PDE7B: variants seen among roughly 807,000 people sequenced by gnomAD.
PDE7B encodes 3',5'-cyclic-AMP phosphodiesterase 7B.
A neutral mutation model predicts 56.2 loss-of-function variants in PDE7B; 29 were observed. The observed-to-expected ratio is 0.52, with a 90% CI of 0.38 to 0.70. The LOEUF (loss-of-function observed/expected upper bound fraction) is 0.70, where lower values mean the gene tolerates loss of function less well. PDE7B is among the 30% of genes least tolerant of loss of function. The pLI is 0.00. For missense variants in PDE7B, 490 were observed against 565.0 expected (o/e 0.87, Z 1.35); for synonymous variants, 197 against 196.9 (o/e 1.00, Z 0.00).
intron 2 of PDE7B, among the ~76,000 whole-genome samples, chr6:135,968,598 C>T (rs768291921): frequency 6.6e-6 from 1 of 152,038 alleles, no homozygotes; most frequent in African/African-American, 2.4e-5. Flanking sequence ...CAATGAGCTA[C>T]CATCTCAGAA....
At chr6:135,935,190 TTATATATA>T (rs60829896) in intron 1 of PDE7B, among the ~76,000 whole-genome samples, 2,771 of 36,194 alleles carry the variant, frequency 0.077, 637 homozygotes, top group African/African-American at 0.31. Context: ...ATATATTTAT[TTATATATA>T]TATATATATA....
At chr6:136,086,898 C>T (rs1562489596) in intron 2 of PDE7B, among the ~76,000 whole-genome samples, 1 of 152,200 alleles carries the variant, frequency 6.6e-6, no homozygotes, top group African/African-American at 2.4e-5. Flanking sequence ...GCTGTTATTC[C>T]CATTGGCACC....
At chr6:135,941,182 C>T (rs1212181408) in intron 1 of PDE7B, among the ~76,000 whole-genome samples, 1 of 152,224 alleles carries the variant, frequency 6.6e-6, no homozygotes. Context: ...TTACTTTCCA[C>T]TAAACTTCAA....
intron 1 of PDE7B, among the ~76,000 whole-genome samples, chr6:135,918,632 A>C (rs1006826107): frequency 4.0e-5 from 6 of 148,896 alleles, no homozygotes; most frequent in African/African-American, 1.2e-4. Context: ...TAAATAAATA[A>C]ATTTTAAATA....
chr6:136,104,139 G>A (rs1777607889), intron 2 of PDE7B, among the ~76,000 whole-genome samples: 1 of 152,110 alleles, frequency 6.6e-6, no homozygotes, highest in Admixed American at 6.5e-5. Context: ...GCAGCCTTCA[G>A]TACAGGGGAT....
intron 2 of PDE7B, among the ~76,000 whole-genome samples, chr6:136,055,075 A>G (rs1202859774): frequency 1.3e-5 from 2 of 152,222 alleles, no homozygotes; most frequent in African/African-American, 4.8e-5. Flanking sequence ...AAAACTGTCC[A>G]GGTGGCTCAT....
intron 1 of PDE7B, among the ~76,000 whole-genome samples, chr6:135,915,074 C>T (rs1048958369): frequency 1.4e-5 from 2 of 147,886 alleles, no homozygotes; most frequent in East Asian, 3.9e-4. Flanking sequence ...GCCTGGGCTA[C>T]AGAGCGAGAC....
intron 2 of PDE7B, among the ~76,000 whole-genome samples, chr6:136,052,233 A>G (rs538803942): frequency 6.6e-6 from 1 of 152,338 alleles, no homozygotes; most frequent in Admixed American, 6.5e-5. Flanking sequence ...TACGCAAAGC[A>G]GTTGAGCAAA....
In PDE7B at chr6:135,893,315, G is replaced by A. The variant is rs192930395; in HGVS notation, c.21+41296G>A. Among the ~76,000 whole-genome samples the A allele has an allele frequency of 7.4e-5, 11 of 148,206 alleles. No individual in the cohort carries two copies. The South Asian group carries it at 1.1e-3, about 14-fold the overall frequency. On this transcript the variant is annotated intron_variant, in intron 1 of 12. Coordinates refer to ENST00000308191, the MANE Select transcript of PDE7B (RefSeq NM_018945.4). ...TTCCCACCTATGAATGAGAACATGCGGTGTTTGTTTTTTGTTCCTTGAGAT... is the reference window on the plus strand; with the variant it reads ...TTCCCACCTATGAATGAGAACATGCAGTGTTTGTTTTTTGTTCCTTGAGAT...
intron 2 of PDE7B, among the ~76,000 whole-genome samples, chr6:136,048,089 TAGACAGAC>T (rs66718715): frequency 9.0e-4 from 134 of 149,568 alleles, no homozygotes; most frequent in African/African-American, 2.7e-3. Flanking sequence ...GATAGATAGA[TAGACAGAC>T]AGACAGACAG....
intron 2 of PDE7B, among the ~76,000 whole-genome samples, chr6:135,990,259 C>A (rs1775457673): frequency 6.6e-6 from 1 of 152,068 alleles, no homozygotes; most frequent in Admixed American, 6.6e-5. Context: ...CCACACCCAG[C>A]TAATTTTGGT....
At chr6:136,065,116 C>G (rs1322073871) in intron 2 of PDE7B, among the ~76,000 whole-genome samples, 1 of 152,192 alleles carries the variant, frequency 6.6e-6, no homozygotes, top group Non-Finnish European at 1.5e-5. Context: ...CTGGGACTAG[C>G]AGGACTTGAC....
rs1776672266 is a variant in PDE7B at position 136,053,535 on chromosome 6, T to G, written c.83-55196T>G. Among the ~76,000 whole-genome samples the G allele has an allele frequency of 3.3e-5, 5 of 152,302 alleles. No individual in the cohort carries two copies. The South Asian group carries it at 1.0e-3, about 32-fold the overall frequency. On this transcript the variant is annotated intron_variant, in intron 2 of 12. Transcript: ENST00000308191. Reference sequence around the variant, plus strand: ...AATAAACATATGTGTGCATGTGTCTTTAGAGCAGCATGATTTATAATCCTT... The same window carrying G: ...AATAAACATATGTGTGCATGTGTCTGTAGAGCAGCATGATTTATAATCCTT...
chr6:135,958,102 C>T (rs371717138), intron 2 of PDE7B, among the ~76,000 whole-genome samples: 13 of 152,156 alleles, frequency 8.5e-5, no homozygotes, highest in South Asian at 8.3e-4. Flanking sequence ...TGTGGTGGCA[C>T]GTGCCTGTAA....
intron 3 of PDE7B, among the ~76,000 whole-genome samples, chr6:136,112,800 G>A (rs1303252033): frequency 6.6e-6 from 1 of 152,016 alleles, no homozygotes; most frequent in Non-Finnish European, 1.5e-5. Flanking sequence ...GATTATTTTT[G>A]CGGGGAGGGG....
intron 2 of PDE7B, among the ~76,000 whole-genome samples, chr6:136,031,738 CAAAAAAAAAA>C (rs36015213): frequency 1.8e-5 from 2 of 109,972 alleles, no homozygotes; most frequent in Non-Finnish European, 3.6e-5. Context: ...GACTCCGTCT[CAAAAAAAAAA>C]AAAAAAAAAG....
chr6:135,987,772 A>G (rs6929951), intron 2 of PDE7B, among the ~76,000 whole-genome samples: 2 of 152,098 alleles, frequency 1.3e-5, no homozygotes, highest in Non-Finnish European at 2.9e-5. Flanking sequence ...GCTTTTATTC[A>G]CTAATAAATA....
At chr6:136,068,576 G>C (rs901954071) in intron 2 of PDE7B, among the ~76,000 whole-genome samples, 1 of 151,816 alleles carries the variant, frequency 6.6e-6, no homozygotes, top group Non-Finnish European at 1.5e-5. Context: ...GACTACAGGC[G>C]CCCGCCACCA....
chr6:136,008,755 T>C (rs1470276187), intron 2 of PDE7B, among the ~76,000 whole-genome samples: 2 of 152,154 alleles, frequency 1.3e-5, no homozygotes, highest in African/African-American at 4.8e-5. Context: ...GATGAGTAGA[T>C]TGCAAAAATT....
Sources: allele counts gnomAD v4.1 joint callset (sites outside exome capture counted in the v4.1 genomes callset), GRCh38; gene constraint gnomAD v4.1.1; transcripts MANE v1.5; gene names NCBI Gene and HGNC (gene_info 2026-07-23, HGNC 2026-07-21).